The following AQR variants were observed in gnomAD, a reference collection of about 807,000 sequenced individuals.
AQR encodes aquarius intron-binding spliceosomal factor, also known as RNA helicase aquarius.
AQR carries 61 observed loss-of-function variants against 180.5 expected under a neutral mutation model. The ratio of observed to expected loss-of-function variants is 0.34; its 90% CI spans 0.28 to 0.42. The LOEUF (loss-of-function observed/expected upper bound fraction) is 0.42. Ranked by LOEUF, AQR falls within the 10% of genes least tolerant of loss-of-function variation. The probability of loss-of-function intolerance (pLI) is 1.00; values close to 1 mark genes in which losing one functional copy is unlikely to be tolerated. For synonymous variants in AQR, 551 were observed against 588.8 expected, an observed-to-expected ratio of 0.94 and a Z score of 0.93; for missense variants, 1,281 against 1,798.3, an observed-to-expected ratio of 0.71 and a Z score of 5.20.
At chr15:34,916,444 A>C (rs574696892) in intron 15 of AQR, among the ~76,000 whole-genome samples, 98 of 13,878 alleles carry the variant, frequency 7.1e-3, no homozygotes, top group African/African-American at 0.011. Context: ...CATACTACCA[A>C]AAAAAAAAAT....
chr15:34,852,880 G>A lies in AQR; in HGVS notation c.*3912C>T, dbSNP rs1340144407. On this transcript the variant is annotated 3_prime_UTR_variant, in exon 35 of 35. Transcript: ENST00000156471. Reference sequence around the variant, plus strand: ...TGAAATAAACGCAAGCCAAAAGGTAGAGAGATAAGTGAATAAAGCTGGCAC... The same window carrying A: ...TGAAATAAACGCAAGCCAAAAGGTAAAGAGATAAGTGAATAAAGCTGGCAC... The A allele has an allele frequency of 5.9e-5, 9 of 152,194 alleles. No individual in the cohort carries two copies. The highest frequency in any genetic ancestry group is 2.2e-4 in the African/African-American group (9 of 41,446). The allele number at this position is 152,194 out of a possible 1,614,324, so 9.4% of individuals were successfully genotyped here.
chr15:34,938,726 AAAG>A lies in AQR; in HGVS notation c.718+8_718+10del. ...TAATTTCACAAATGCACTGAGTAAA[AAAG>A]AAGATACCAGAAAGTGGGACTGATT... On this transcript the variant is annotated splice_region_variant and intron_variant, in intron 9 of 34. Transcript: ENST00000156471. 1 of 1,443,612 alleles carries A rather than the reference AAAG, an allele frequency of 6.9e-7. No homozygotes were observed. Among genetic ancestry groups the A allele is most frequent in the East Asian group, 2.4e-5 (1 of 42,250 alleles). The allele number at this position is 1,443,612 out of a possible 1,614,324, so 89.4% of individuals were successfully genotyped here.
chr15:34,873,399 A>C (rs1566979766), intron 30 of AQR, among the ~76,000 whole-genome samples: 1 of 152,188 alleles, frequency 6.6e-6, no homozygotes, highest in Non-Finnish European at 1.5e-5. Flanking sequence ...ACTTGTTATA[A>C]AATATGAATT....
intron 5 of AQR, among the ~76,000 whole-genome samples, chr15:34,946,487 G>A (rs563295036): frequency 4.2e-5 from 6 of 141,540 alleles, no homozygotes; most frequent in Non-Finnish European, 6.2e-5. Context: ...AGGTGGGGGG[G>A]TCAGCCCCCC....
At chr15:34,969,417 G>C in intron 1 of AQR, 122 bp downstream of exon 1, 2 of 992,302 alleles carry the variant, frequency 2.0e-6, no homozygotes, top group Middle Eastern at 2.0e-4. Context: ...AGACGTGTGT[G>C]AATCAATTAA....
intron 21 of AQR, 33 bp from the exon 22 acceptor site, chr15:34,896,999 G>T (rs1172468730): frequency 6.6e-7 from 1 of 1,513,520 alleles, no homozygotes; most frequent in Admixed American, 1.7e-5. Flanking sequence ...AGTTGGTACA[G>T]ATAAATGATG....
rs1438551322 is a variant in AQR at position 34,868,501 on chromosome 15, G to C, written c.3769-892C>G. ...TAATTTATAGTCTCTCTATCTTTAG[G>C]AAGTTTACAAAACACTTTTTAAGTC... is the stretch of plus-strand genomic sequence containing the variant. On this transcript the variant is annotated intron_variant, in intron 31 of 34. Transcript: ENST00000156471. The C allele has an allele frequency of 2.0e-5, 3 of 151,938 alleles. No individual in the cohort carries two copies. The East Asian group carries it at 5.8e-4, about 29-fold the overall frequency. The allele number at this position is 151,938 out of a possible 1,614,324, so 9.4% of individuals were successfully genotyped here.
chr15:34,943,083 G>C, intron 6 of AQR: 1 of 1,611,560 alleles, frequency 6.2e-7, no homozygotes, highest in Non-Finnish European at 8.5e-7. Context: ...CGCAAGCATG[G>C]TTAACGTCCC....
chr15:34,955,092 C>T (rs192253270), intron 3 of AQR, among the ~76,000 whole-genome samples: 15 of 152,158 alleles, frequency 9.9e-5, no homozygotes, highest in African/African-American at 3.6e-4. Flanking sequence ...CACTGCACTC[C>T]AGCCCAGGTG....
In AQR at chr15:34,856,593, G is replaced by T; in HGVS notation, c.*199C>A. On this transcript the variant is annotated 3_prime_UTR_variant, in exon 35 of 35. Transcript: ENST00000156471. ...GAAAGGAATGGTTATTTGCTCTTCT[G>T]ATTGAACAAATGAAACTAGAATTGT... is the stretch of plus-strand genomic sequence containing the variant. 2.2e-6 allele frequency: 1 copy of T among 462,856 alleles called. No individual in the cohort carries two copies. The highest frequency in any genetic ancestry group is 3.7e-6 in the Non-Finnish European group (1 of 267,526). 28.7% of individuals were successfully genotyped at this position (462,856 alleles called of 1,614,324 possible). A position where few individuals can be genotyped will look rare whatever the true frequency, so the allele number is the denominator to read the frequency against.
chr15:34,874,357 G>A, intron 29 of AQR: 2 of 340,316 alleles, frequency 5.9e-6, no homozygotes, highest in South Asian at 5.7e-5. Flanking sequence ...TTCTCCTCTT[G>A]TTCACTTTAT....
rs1265119240 is a variant in AQR, at chr15:34,862,951, T to C, written c.3945A>G (p.Glu1315=). 4 of 1,613,874 alleles carry C rather than the reference T, an allele frequency of 2.5e-6. No individual in the cohort carries two copies. The highest frequency in any genetic ancestry group is 1.1e-5 in the South Asian group (1 of 91,070). ...ARVSLFQNCF[E]LTPAFSQLTA... is the part of the protein sequence containing the mutation. ...TGAGCTGACTGAAAGCTGGAGTCAG[T>C]TCAAAACAGTTTTGGAAGAGGGATA... Residue 1315 remains glutamate, a synonymous_variant, in exon 33 of 35, where the codon GAA becomes GAG. Coordinates refer to ENST00000156471, the MANE Select transcript of AQR (RefSeq NM_014691.3).
chr15:34,919,897 C>G (rs891374464), intron 14 of AQR, among the ~76,000 whole-genome samples: 2 of 149,792 alleles, frequency 1.3e-5, no homozygotes, highest in African/African-American at 2.5e-5. Flanking sequence ...GACTCGGTAT[C>G]AAAAAAACAA....
At chr15:34,874,539 G>A (rs1407519363) in intron 29 of AQR, 138 bp downstream of exon 29, 5 of 936,796 alleles carry the variant, frequency 5.3e-6, no homozygotes, top group African/African-American at 5.1e-5. Context: ...GTCGACAAAA[G>A]TGCTTTTGGA....
intron 4 of AQR, among the ~76,000 whole-genome samples, chr15:34,949,473 G>C (rs1226009034): frequency 6.6e-6 from 1 of 151,628 alleles, no homozygotes; most frequent in African/African-American, 2.4e-5. Flanking sequence ...GCTGGGCATG[G>C]TGGCGTGTGC....
chr15:34,957,178 A>G (rs1229411138), intron 3 of AQR, among the ~76,000 whole-genome samples: 1 of 151,724 alleles, frequency 6.6e-6, no homozygotes, highest in Admixed American at 6.6e-5. Flanking sequence ...CTTTTTTCAG[A>G]CGGAGTCTTG....
At chr15:34,865,577 A>G (rs1017055353) in intron 32 of AQR, among the ~76,000 whole-genome samples, 6 of 152,246 alleles carry the variant, frequency 3.9e-5, no homozygotes, top group Non-Finnish European at 7.3e-5. Context: ...CAAGTGAAAG[A>G]AAAACAAGTG....
intron 24 of AQR, 97 bp from the exon 25 acceptor site, chr15:34,886,758 A>T (rs1893065181): frequency 7.8e-7 from 1 of 1,281,548 alleles, no homozygotes; most frequent in African/African-American, 1.5e-5. Flanking sequence ...AGCAAAGAAG[A>T]GGAAAAAAAA....
intron 12 of AQR, among the ~76,000 whole-genome samples, chr15:34,927,758 C>T (rs1280792933): frequency 3.9e-5 from 6 of 152,162 alleles, no homozygotes; most frequent in South Asian, 2.1e-4. Context: ...AGAAAAGATC[C>T]GGAAGTTTTC....
Sources: allele counts gnomAD v4.1 joint callset (sites outside exome capture counted in the v4.1 genomes callset), GRCh38; gene constraint gnomAD v4.1.1; transcripts MANE v1.5; gene names NCBI Gene and HGNC (gene_info 2026-07-23, HGNC 2026-07-21).